The following TDRD7 variants were observed in gnomAD, a reference collection of about 807,000 sequenced individuals.
TDRD7 encodes the protein tudor domain-containing protein 7.
Under a neutral mutation model 109.8 loss-of-function variants are expected in TDRD7, and 47 were observed. That is an observed-to-expected ratio of 0.43 (90% confidence interval 0.34 to 0.55). The LOEUF is 0.55. Ranked by LOEUF, TDRD7 falls within the 20% of genes least tolerant of loss-of-function variation. TDRD7 has a pLI of 0.03. For synonymous variants in TDRD7, 424 were observed against 457.3 expected, an observed-to-expected ratio of 0.93 and a Z score of 0.93; for missense variants, 1,164 against 1,319.2, an observed-to-expected ratio of 0.88 and a Z score of 1.82.
At chr9:97,479,935 C>T (rs551540248) in intron 13 of TDRD7, among the ~76,000 whole-genome samples, 54 of 152,274 alleles carry the variant, frequency 3.5e-4, no homozygotes, top group African/African-American at 1.3e-3. Flanking sequence ...GTCTGCCCCA[C>T]TCCCTCGTTG....
At chr9:97,463,628 C>T (rs1342674223) in intron 7 of TDRD7, among the ~76,000 whole-genome samples, 2 of 152,114 alleles carry the variant, frequency 1.3e-5, no homozygotes, top group Admixed American at 6.5e-5. Flanking sequence ...AAAAAGGCCT[C>T]GATCCTATGG....
intron 10 of TDRD7, among the ~76,000 whole-genome samples, chr9:97,472,886 C>A (rs1828946871): frequency 6.6e-6 from 1 of 151,874 alleles, no homozygotes; most frequent in Non-Finnish European, 1.5e-5. Flanking sequence ...TATAGAATAT[C>A]TACCCAAGAG....
chr9:97,443,532 G>GT (rs1219869368), intron 6 of TDRD7, among the ~76,000 whole-genome samples: 2 of 152,080 alleles, frequency 1.3e-5, no homozygotes, highest in Non-Finnish European at 2.9e-5. Context: ...TTTCAGTTCA[G>GT]TTTTTTCCAT....
intron 5 of TDRD7, among the ~76,000 whole-genome samples, chr9:97,440,149 A>G (rs1828276213): frequency 6.6e-6 from 1 of 152,238 alleles, no homozygotes; most frequent in Non-Finnish European, 1.5e-5. Flanking sequence ...ATTTTCTGAA[A>G]CATGACTACA....
intron 16 of TDRD7, among the ~76,000 whole-genome samples, chr9:97,489,579 ATTTT>A (rs936358336): frequency 6.6e-6 from 1 of 150,926 alleles, no homozygotes; most frequent in African/African-American, 2.4e-5. Context: ...GTTGAGTCTT[ATTTT>A]TTTTTATTTA....
At chr9:97,450,286 C>G (rs2118422814) in intron 6 of TDRD7, among the ~76,000 whole-genome samples, 1 of 152,216 alleles carries the variant, frequency 6.6e-6, no homozygotes. Flanking sequence ...AGCCACAAAA[C>G]AAAGAAAACA....
At chr9:97,416,488 T>A (rs1428787124) in intron 1 of TDRD7, among the ~76,000 whole-genome samples, 1 of 152,220 alleles carries the variant, frequency 6.6e-6, no homozygotes, top group Non-Finnish European at 1.5e-5. Context: ...TATAAGTACA[T>A]GTGAGACATT....
rs2118169103 is a variant in TDRD7 at position 97,412,513 on chromosome 9, C to T, written c.-7+275C>T. On this transcript the variant is annotated intron_variant, in intron 1 of 16. Transcript: ENST00000355295. The surrounding 1 kb of genome is among the most constrained non-coding windows in gnomAD (Gnocchi z 4.3). Reference sequence around the variant, plus strand: ...CCGGGCCGGGCGTTCACGCGGGAGTCGGACGGAGCCTCCTGCCGCCTCGGA... The same window carrying T: ...CCGGGCCGGGCGTTCACGCGGGAGTTGGACGGAGCCTCCTGCCGCCTCGGA... 6.6e-6 allele frequency among the ~76,000 whole-genome samples: 1 copy of T among 152,306 alleles called. No individual in the cohort carries two copies. The highest frequency in any genetic ancestry group is 2.4e-5 in the African/African-American group (1 of 41,572).
chr9:97,469,912 C>T (rs1828882968), intron 8 of TDRD7, among the ~76,000 whole-genome samples: 1 of 152,128 alleles, frequency 6.6e-6, no homozygotes, highest in Non-Finnish European at 1.5e-5. Context: ...GGGCCTTTTG[C>T]TGAGCTGAAA....
chr9:97,492,184 T>A (rs1251026937), intron 16 of TDRD7, among the ~76,000 whole-genome samples: 2 of 152,210 alleles, frequency 1.3e-5, no homozygotes, highest in Non-Finnish European at 1.5e-5. Context: ...TTTGTTCAGC[T>A]TTTTGTTTCT....
chr9:97,464,671 T>G (rs982985444), intron 7 of TDRD7, among the ~76,000 whole-genome samples, 171 bp from the exon 8 acceptor site: 1 of 152,152 alleles, frequency 6.6e-6, no homozygotes, highest in African/African-American at 2.4e-5. Flanking sequence ...ATCTTCTTTT[T>G]CAAGAGATAA....
intron 8 of TDRD7, among the ~76,000 whole-genome samples, chr9:97,466,646 A>G (rs1476025890): frequency 1.3e-5 from 2 of 152,226 alleles, no homozygotes; most frequent in African/African-American, 2.4e-5. Context: ...AAATAGTTTC[A>G]TGGACAAACC....
intron 6 of TDRD7, among the ~76,000 whole-genome samples, chr9:97,450,945 A>G (rs1828478973): frequency 6.6e-6 from 1 of 150,756 alleles, no homozygotes; most frequent in Non-Finnish European, 1.5e-5. Context: ...ATGACTGGCA[A>G]CCCCTAGTAG....
intron 1 of TDRD7, among the ~76,000 whole-genome samples, chr9:97,418,349 C>G (rs1827844157): frequency 6.6e-6 from 1 of 152,058 alleles, no homozygotes; most frequent in Non-Finnish European, 1.5e-5. Flanking sequence ...TTCCAAGAGT[C>G]TCGGGGCAAA....
intron 1 of TDRD7, among the ~76,000 whole-genome samples, chr9:97,413,360 A>G (rs1047133003): frequency 1.3e-5 from 2 of 152,224 alleles, no homozygotes; most frequent in African/African-American, 4.8e-5. Flanking sequence ...TCTTGAACAA[A>G]TTACATGCTT....
intron 5 of TDRD7, among the ~76,000 whole-genome samples, chr9:97,439,882 C>G (rs1828270031): frequency 6.6e-6 from 1 of 152,290 alleles, no homozygotes; most frequent in African/African-American, 2.4e-5. Context: ...GTTAGAAATG[C>G]AACCACTTGT....
intron 9 of TDRD7, 83 bp from the exon 10 acceptor site, chr9:97,472,187 AGTAGGCTTATAATTTTAATAATG>A: frequency 1.0e-6 from 1 of 964,854 alleles, no homozygotes; most frequent in African/African-American, 1.6e-5. Flanking sequence ...ATAATTTTGC[AGTAGGCTTATAATTTTAATAATG>A]GTCAAAACAG....
intron 9 of TDRD7, 69 bp from the exon 10 acceptor site, chr9:97,472,224 C>T (rs1041880166): frequency 3.3e-5 from 45 of 1,352,504 alleles, no homozygotes; most frequent in Non-Finnish European, 4.4e-5. Context: ...AAAACAGACA[C>T]AATCCATCTA....
intron 6 of TDRD7, among the ~76,000 whole-genome samples, chr9:97,442,462 C>T (rs1828323485): frequency 6.6e-6 from 1 of 152,124 alleles, no homozygotes; most frequent in Non-Finnish European, 1.5e-5. Context: ...ACTTCAGAGT[C>T]TGTGATTATA....
Sources: gnomAD v4.1 joint callset for allele counts (sites outside exome capture counted in the v4.1 genomes callset) on GRCh38, gnomAD v4.1.1 for gene constraint, Gnocchi (gnomAD v3.1) non-coding constraint, MANE v1.5 for transcripts, NCBI Gene and HGNC (gene_info 2026-07-23, HGNC 2026-07-21) for gene names.